The following TAFA2 variants were observed in gnomAD, a reference collection of about 807,000 sequenced individuals.
TAFA2 encodes TAFA chemokine like family member 2, also known as chemokine-like protein TAFA-2.
Under a neutral mutation model 18.8 loss-of-function variants are expected in TAFA2, and 7 were observed. The observed-to-expected ratio is 0.37, with a 90% CI of 0.21 to 0.70. TAFA2 has a LOEUF of 0.70. Among genes scored for constraint, TAFA2 ranks in the 30% least tolerant of loss-of-function variants. The pLI, the probability that TAFA2 is intolerant of heterozygous loss-of-function variation, is 0.53. For missense variants in TAFA2, 122 were observed against 158.1 expected, an observed-to-expected ratio of 0.77 and a Z score of 1.23; for synonymous variants, 60 against 54.2, an observed-to-expected ratio of 1.11 and a Z score of -0.47.
chr12:62,122,287 T>G (rs904052947), intron 1 of TAFA2, among the ~76,000 whole-genome samples: 2 of 152,188 alleles, frequency 1.3e-5, no homozygotes, highest in African/African-American at 4.8e-5. Context: ...CAGCATATGA[T>G]CTGCTCCATC....
At chr12:61,976,684 C>T (rs977233922) in intron 1 of TAFA2, among the ~76,000 whole-genome samples, 1 of 152,026 alleles carries the variant, frequency 6.6e-6, no homozygotes, top group Admixed American at 6.6e-5. Context: ...ATCCCTCTCC[C>T]TACCCCACGA....
chr12:61,776,114 C>A, intron 2 of TAFA2: 1 of 432,116 alleles, frequency 2.3e-6, no homozygotes, highest in Non-Finnish European at 4.5e-6. Flanking sequence ...GAAGAGTCTA[C>A]AATGTTACCT....
intron 1 of TAFA2, among the ~76,000 whole-genome samples, chr12:62,215,563 C>CA (rs35638033): frequency 0.044 from 3,500 of 78,948 alleles, 87 homozygotes; most frequent in Middle Eastern, 0.1. Context: ...ACTTGTCTTT[C>CA]AAAAAAAAAA....
In TAFA2 at chr12:61,826,338, CTG is replaced by C. The variant is rs57736074; in HGVS notation, c.106+40980_106+40981del. Among the ~76,000 whole-genome samples, 128 of 148,980 alleles carry C rather than the reference CTG, an allele frequency of 8.6e-4. No individual in the cohort carries two copies. In the Middle Eastern group the frequency reaches 0.014, roughly 16 times the overall value. On this transcript the variant is annotated intron_variant, in intron 2 of 4. Transcript: ENST00000416284. ...TGTTCAAAACTTCTAATTAGTTCAT[CTG>C]TGTGTGTGTGTGTGTGTGTGTGTAT... is the stretch of plus-strand genomic sequence containing the variant.
chr12:61,815,840 T>A (rs1872061837), intron 2 of TAFA2, among the ~76,000 whole-genome samples: 1 of 151,266 alleles, frequency 6.6e-6, no homozygotes, highest in Admixed American at 6.6e-5. Flanking sequence ...GTGCATCTGC[T>A]TTTCTAAAAG....
intron 1 of TAFA2, among the ~76,000 whole-genome samples, chr12:62,165,357 C>T (rs561383558): frequency 1.3e-5 from 2 of 152,018 alleles, no homozygotes; most frequent in Admixed American, 6.6e-5. Context: ...AGGCATGGAA[C>T]TTTCCAAAGC....
chr12:62,108,615 C>T (rs376167045), intron 1 of TAFA2, among the ~76,000 whole-genome samples: 3 of 152,268 alleles, frequency 2.0e-5, no homozygotes, highest in East Asian at 3.9e-4. Flanking sequence ...AGTGTAAAAG[C>T]GTTCCTATTT....
chr12:61,881,285 A>G (rs970872361), intron 1 of TAFA2, among the ~76,000 whole-genome samples: 6 of 152,120 alleles, frequency 3.9e-5, no homozygotes, highest in Admixed American at 3.3e-4. Context: ...TCATTGGGCA[A>G]TTTTAATGTG....
At chr12:62,169,238 C>T (rs1026356675) in intron 1 of TAFA2, among the ~76,000 whole-genome samples, 2 of 152,066 alleles carry the variant, frequency 1.3e-5, no homozygotes, top group Non-Finnish European at 1.5e-5. Flanking sequence ...TAGCCATAAG[C>T]TGGCCTTGTA....
At position 61,794,348 on chromosome 12, in the gene TAFA2, A is replaced by C. The variant is rs373670451; in HGVS notation, c.107-39324T>G. Reference sequence around the variant, plus strand: ...AGAATTAATTGAGTTTACTATTAACATAAAAATCATTTGTATATCTATATA... The same window carrying C: ...AGAATTAATTGAGTTTACTATTAACCTAAAAATCATTTGTATATCTATATA... On this transcript the variant is annotated intron_variant, in intron 2 of 4. Coordinates refer to ENST00000416284, the MANE Select transcript of TAFA2 (RefSeq NM_178539.5). 1.1e-4 allele frequency among the ~76,000 whole-genome samples: 16 copies of C among 152,186 alleles called. No individual in the cohort carries two copies. The East Asian group carries it at 1.7e-3, about 17-fold the overall frequency.
Position 61,719,797 on chromosome 12 carries a change from C to T in TAFA2, c.385-9380G>A, listed in dbSNP as rs566309731. On this transcript the variant is annotated intron_variant, in intron 4 of 4. Transcript: ENST00000416284. ...TGTCACTTAAAAGGACTTGATGTAA[C>T]CTGTGAAAGGACAAAAGCAGTACCA... Among the ~76,000 whole-genome samples, 283 of 152,248 alleles carry T rather than the reference C, an allele frequency of 1.9e-3. 2 individuals carry two copies. The highest frequency in any genetic ancestry group is 4.8e-3 in the South Asian group (23 of 4,818).
chr12:61,794,451 G>C (rs1871110192), intron 2 of TAFA2, among the ~76,000 whole-genome samples: 1 of 151,854 alleles, frequency 6.6e-6, no homozygotes, highest in Non-Finnish European at 1.5e-5. Flanking sequence ...AAATACTTTA[G>C]GAGTAAACCT....
intron 1 of TAFA2, among the ~76,000 whole-genome samples, chr12:61,906,794 G>A (rs978926259): frequency 1.3e-5 from 2 of 152,218 alleles, no homozygotes; most frequent in Non-Finnish European, 2.9e-5. Flanking sequence ...AGATGGAGAT[G>A]AGGAACTTGT....
intron 1 of TAFA2, among the ~76,000 whole-genome samples, chr12:62,052,172 G>T (rs1160398983): frequency 7.1e-6 from 1 of 141,822 alleles, no homozygotes; most frequent in African/African-American, 2.5e-5. Flanking sequence ...TCCTTCTTTT[G>T]TGTGTGTGCA....
intron 1 of TAFA2, among the ~76,000 whole-genome samples, chr12:62,003,058 C>CCTCTCACCACCATCAT (rs1408693279): frequency 6.6e-6 from 1 of 152,020 alleles, no homozygotes; most frequent in Non-Finnish European, 1.5e-5. Flanking sequence ...ACTCCTTTCC[C>CCTCTCACCACCATCAT]CTCTCACCAC....
intron 1 of TAFA2, among the ~76,000 whole-genome samples, chr12:62,119,645 C>T (rs1023189393): frequency 2.0e-5 from 3 of 152,124 alleles, no homozygotes; most frequent in Non-Finnish European, 4.4e-5. Flanking sequence ...TTAACCTGTA[C>T]CTTATAGATA....
At chr12:61,768,497 A>G (rs1362905015) in intron 2 of TAFA2, among the ~76,000 whole-genome samples, 1 of 152,150 alleles carries the variant, frequency 6.6e-6, no homozygotes, top group Non-Finnish European at 1.5e-5. Flanking sequence ...GATGGCCAAA[A>G]AAACTGTGAG....
At chr12:62,010,240 G>A (rs574004326) in intron 1 of TAFA2, among the ~76,000 whole-genome samples, 191 of 141,862 alleles carry the variant, frequency 1.3e-3, no homozygotes, top group South Asian at 5.9e-3. Context: ...CCGTGGTCTC[G>A]GCTCGCTGCA....
intron 1 of TAFA2, among the ~76,000 whole-genome samples, chr12:62,221,215 G>GGGGAAGGA (rs2062759897): frequency 3.0e-5 from 2 of 65,952 alleles, no homozygotes; most frequent in Non-Finnish European, 2.7e-5. Flanking sequence ...GGAAGGAAGG[G>GGGGAAGGA]GGGAAGGAAG....
Sources: gnomAD v4.1 joint callset for allele counts (sites outside exome capture counted in the v4.1 genomes callset) on GRCh38, gnomAD v4.1.1 for gene constraint, MANE v1.5 for transcripts, NCBI Gene and HGNC (gene_info 2026-07-23, HGNC 2026-07-21) for gene names.